Variants in PNLDC1 observed in about 807,000 individuals in gnomAD.
PNLDC1 encodes the protein PARN like ribonuclease domain containing exonuclease 1, also known as poly(A)-specific ribonuclease PNLDC1.
In PNLDC1, 70 loss-of-function variants were observed where a neutral mutation model predicts 82.0. That is an observed-to-expected ratio of 0.85 (90% CI 0.70 to 1.04). The LOEUF is 1.04. Among genes scored for constraint, PNLDC1 ranks in the 50% least tolerant of loss-of-function variants. The pLI is 0.00. For missense variants in PNLDC1, 631 were observed against 661.1 expected (o/e 0.95, Z 0.50); for synonymous variants, 280 against 249.3 (o/e 1.12, Z -1.16).
In PNLDC1 at chr6:159,819,443, T is replaced by C; in HGVS notation, c.1532+91T>C. The C allele has an allele frequency of 8.7e-7, 1 of 1,147,346 alleles. No individual in the cohort carries two copies. The highest frequency in any genetic ancestry group is 1.4e-5 in the South Asian group (1 of 70,892). The allele number at this position is 1,147,346 out of a possible 1,614,324, so 71.1% of individuals were successfully genotyped here. The stretch of plus-strand genomic sequence containing the variant: ...CAGCATGGTCTGACTCGAGCACAGC[T>C]CACTTGCTGGTGTGTGTTGCCAAGG... On this transcript the variant is annotated intron_variant, in intron 18 of 18. Transcript: ENST00000392167. This position sits in a 1 kb window ranked among gnomAD's most constrained non-coding sequence, Gnocchi z 4.6.
At chr6:159,800,444 G>A (rs1239509384) in intron 1 of PNLDC1, 61 bp downstream of exon 1, 1 of 1,506,434 alleles carries the variant, frequency 6.6e-7, no homozygotes, top group South Asian at 1.2e-5. Flanking sequence ...GCGAGCTTGA[G>A]GAGGGGGTGG....
At position 159,818,453 on chromosome 6, in the gene PNLDC1, G is replaced by A. The variant is rs1353090291; in HGVS notation, c.1158-102G>A. 9.5e-6 allele frequency: 10 copies of A among 1,054,824 alleles called. No homozygotes were observed. In the Admixed American group the frequency reaches 1.3e-4, roughly 13 times the overall value. 65.3% of individuals were successfully genotyped at this position (1,054,824 alleles called of 1,614,324 possible). ...GGGCAGGAGGGAGGGAGAGCCGTCC[G>A]AGGGAGTGTCCTTCTGTTCTGTCAC... is the stretch of plus-strand genomic sequence containing the variant. On this transcript the variant is annotated intron_variant, in intron 15 of 18. Transcript: ENST00000392167.
chr6:159,820,441 C>T lies in PNLDC1; in HGVS notation c.1533-13C>T. On this transcript the variant is annotated splice_polypyrimidine_tract_variant and intron_variant, in intron 18 of 18. Transcript: ENST00000392167. ...GGGTGCCCCGGCCACTGACACGTGTCATTGTCTTGCAGAGTCTGTGGCATA... is the reference window on the plus strand; with the variant it reads ...GGGTGCCCCGGCCACTGACACGTGTTATTGTCTTGCAGAGTCTGTGGCATA... 1 of 1,614,002 alleles carries T rather than the reference C, an allele frequency of 6.2e-7. No homozygotes were observed. Among genetic ancestry groups the T allele is most frequent in the Non-Finnish European group, 8.5e-7 (1 of 1,179,980 alleles).
rs1405240510 is a variant in PNLDC1, at chr6:159,804,711, C to T, written c.461+74C>T. 1.5e-5 allele frequency: 17 copies of T among 1,159,114 alleles called. 1 individual carries two copies. The highest frequency in any genetic ancestry group is 9.3e-5 in the South Asian group (7 of 74,966). The allele number at this position is 1,159,114 out of a possible 1,614,324, so 71.8% of individuals were successfully genotyped here. A position where few individuals can be genotyped will look rare whatever the true frequency, so the allele number is the denominator to read the frequency against. ...CTGCATTTCCCGTGGGCGGGCGTGC[C>T]GTTTCCAGGAGTGTGGTGACCTCCA... On this transcript the variant is annotated intron_variant, in intron 6 of 18. Coordinates refer to ENST00000392167, the MANE Select transcript of PNLDC1 (RefSeq NM_001271862.2).
At chr6:159,800,554 T>C in intron 1 of PNLDC1, 171 bp downstream of exon 1, 1 of 1,367,528 alleles carries the variant, frequency 7.3e-7, no homozygotes, top group Admixed American at 2.1e-5. Context: ...GAGCAGCAAG[T>C]ACACTCCGAG....
intron 10 of PNLDC1, 76 bp downstream of exon 10, chr6:159,810,171 C>T (rs1781599893): frequency 7.3e-7 from 1 of 1,363,732 alleles, no homozygotes; most frequent in South Asian, 1.2e-5. Flanking sequence ...ACAATCATAC[C>T]CCTGAGGCAG....
Position 159,811,708 on chromosome 6 carries a change from C to A in PNLDC1, c.861C>A (p.Tyr287Ter), listed in dbSNP as rs181607194. ...CTGGGTTTTTCCCCTCAGAAAGCTACGATCAATTTAAGCAGAATATCCACA... is the reference window on the plus strand; with the variant it reads ...CTGGGTTTTTCCCCTCAGAAAGCTAAGATCAATTTAAGCAGAATATCCACA... ...EKFFRPLPES[Y>*]DQFKQNIHSL... Residue 287 changes from tyrosine (Y) to a stop codon, truncating the protein, a stop_gained, in exon 11 of 19, where the codon TAC becomes TAA. Coordinates refer to ENST00000392167, the MANE Select transcript of PNLDC1 (RefSeq NM_001271862.2). LOFTEE classifies it high-confidence loss of function. 1.9e-6 allele frequency: 3 copies of A among 1,612,714 alleles called. No homozygotes were observed. Among genetic ancestry groups the A allele is most frequent in the Non-Finnish European group, 2.5e-6 (3 of 1,179,164 alleles).
Position 159,803,261 on chromosome 6 carries a change from A to G in PNLDC1, c.209-10A>G. On this transcript the variant is annotated splice_polypyrimidine_tract_variant and intron_variant, in intron 3 of 18. Transcript: ENST00000392167. ...CTTGGCATTCATTCCCTCTACGGTC[A>G]TTCTTCCAGGATTGTCTGTGTTTTC... is the stretch of plus-strand genomic sequence containing the variant. 1.2e-6 allele frequency: 2 copies of G among 1,613,964 alleles called. No homozygotes were observed. The highest frequency in any genetic ancestry group is 2.7e-5 in the African/African-American group (2 of 75,042).
intron 15 of PNLDC1, 140 bp from the exon 16 acceptor site, chr6:159,818,415 C>T: frequency 1.4e-6 from 1 of 727,366 alleles, no homozygotes; most frequent in Non-Finnish European, 2.4e-6. Context: ...AACCAGAGCC[C>T]CAAGACTTGT....
intron 12 of PNLDC1, among the ~76,000 whole-genome samples, chr6:159,814,090 TCAA>T (rs1781736278): frequency 6.6e-6 from 1 of 152,046 alleles, no homozygotes; most frequent in Admixed American, 6.6e-5. Flanking sequence ...TCCTTCCACA[TCAA>T]CAAGTGTTCT....
Position 159,800,831 on chromosome 6 carries a change from TA to T in PNLDC1, c.134+6del. ...CCTGTCTGGGCCCCAGCAGATCAGGTAAAACTAAAGCTGTGTCCCCTCTGTA... is the reference window on the plus strand; with the variant it reads ...CCTGTCTGGGCCCCAGCAGATCAGGTAAACTAAAGCTGTGTCCCCTCTGTA... On this transcript the variant is annotated splice_donor_region_variant and intron_variant, in intron 2 of 18. Coordinates refer to ENST00000392167, the MANE Select transcript of PNLDC1 (RefSeq NM_001271862.2). 6.2e-7 allele frequency: 1 copy of T among 1,614,138 alleles called. No homozygotes were observed. The highest frequency in any genetic ancestry group is 1.3e-5 in the African/African-American group (1 of 75,032).
intron 12 of PNLDC1, among the ~76,000 whole-genome samples, chr6:159,815,047 A>G (rs912311998): frequency 2.0e-5 from 3 of 152,170 alleles, no homozygotes; most frequent in African/African-American, 7.2e-5. Context: ...CAGTGAAGCA[A>G]AGGTTTCCTT....
At chr6:159,811,526 G>A (rs1319346591) in intron 10 of PNLDC1, among the ~76,000 whole-genome samples, 175 bp from the exon 11 acceptor site, 1 of 152,224 alleles carries the variant, frequency 6.6e-6, no homozygotes, top group Non-Finnish European at 1.5e-5. Context: ...GGTGATGGCA[G>A]CTTGATCTGA....
chr6:159,813,895 T>G (rs1358970193), intron 12 of PNLDC1, among the ~76,000 whole-genome samples: 1 of 152,114 alleles, frequency 6.6e-6, no homozygotes, highest in East Asian at 1.9e-4. Context: ...CTCAAACAGT[T>G]GCGCGATTAC....
intron 10 of PNLDC1, among the ~76,000 whole-genome samples, chr6:159,810,607 C>T (rs1781614531): frequency 1.3e-5 from 2 of 152,180 alleles, no homozygotes. Flanking sequence ...TTCAGTGGTG[C>T]AGCCTAGTGG....
chr6:159,800,187 G>A (rs924772579), upstream of PNLDC1: 7 of 907,170 alleles, frequency 7.7e-6, no homozygotes, highest in East Asian at 8.3e-5. Context: ...CACGTGGGGC[G>A]GAGGCAGCTG....
In PNLDC1 at chr6:159,800,288, C is replaced by G. The variant is rs1003971437; in HGVS notation, c.-20C>G. ...GGCAGCACGTGATAGCGCTGGGCGA[C>G]TCCGCGGAGCTGCACGGCCATGGAC... On this transcript the variant is annotated 5_prime_UTR_variant, in exon 1 of 19. Transcript: ENST00000392167. 2.6e-6 allele frequency: 4 copies of G among 1,541,076 alleles called. No homozygotes were observed. Among genetic ancestry groups the G allele is most frequent in the Admixed American group, 2.0e-5 (1 of 50,718 alleles).
At chr6:159,813,871 C>G (rs1238552885) in intron 12 of PNLDC1, among the ~76,000 whole-genome samples, 2 of 152,180 alleles carry the variant, frequency 1.3e-5, no homozygotes, top group African/African-American at 4.8e-5. Flanking sequence ...CAGGAAATCT[C>G]TCAACCCCTG....
chr6:159,804,662 T>G (rs1781383647), intron 6 of PNLDC1, 25 bp downstream of exon 6: 4 of 1,533,254 alleles, frequency 2.6e-6, no homozygotes, highest in African/African-American at 1.4e-5. Flanking sequence ...TCCAGGTGCC[T>G]TTTTGTTTCC....
Sources: gnomAD v4.1 joint callset for allele counts (sites outside exome capture counted in the v4.1 genomes callset) on GRCh38, gnomAD v4.1.1 for gene constraint, Gnocchi (gnomAD v3.1) non-coding constraint, MANE v1.5 for transcripts, NCBI Gene and HGNC (gene_info 2026-07-23, HGNC 2026-07-21) for gene names.